SH2D3A: variants seen among roughly 807,000 people sequenced by gnomAD.
The protein encoded by SH2D3A is SH2 domain containing 3A, also known as SH2 domain-containing protein 3A.
A neutral mutation model predicts 50.6 loss-of-function variants in SH2D3A; 46 were observed. The ratio of observed to expected loss-of-function variants is 0.91; its 90% CI spans 0.72 to 1.16. The LOEUF (loss-of-function observed/expected upper bound fraction) is 1.16, where lower values mean the gene tolerates loss of function less well. SH2D3A is among the 50% of genes most tolerant of loss of function. The pLI, the probability that SH2D3A is intolerant of heterozygous loss-of-function variation, is 0.00. For synonymous variants in SH2D3A, 377 were observed against 348.4 expected (o/e 1.08, Z -0.91); for missense variants, 783 against 786.2 (o/e 1.00, Z 0.05).
intron 2 of SH2D3A, 157 bp from the exon 3 acceptor site, chr19:6,761,144 T>TC: frequency 4.8e-6 from 3 of 620,736 alleles, no homozygotes; most frequent in Non-Finnish European, 8.4e-6. Context: ...CCAAGTTCTG[T>TC]CCCCCTTTCT....
chr19:6,765,375 T>C (rs1305700968), intron 1 of SH2D3A, among the ~76,000 whole-genome samples: 1 of 152,056 alleles, frequency 6.6e-6, no homozygotes, highest in East Asian at 1.9e-4. Flanking sequence ...CAAACATCCA[T>C]GGCTTCTCGG....
intron 9 of SH2D3A, 159 bp from the exon 10 acceptor site, chr19:6,752,912 G>T (rs1195912596): frequency 2.0e-6 from 2 of 985,254 alleles, no homozygotes; most frequent in Non-Finnish European, 1.2e-6. Flanking sequence ...TCAGAGGGGA[G>T]GGGGCTTCCA....
At chr19:6,762,822 T>C (rs1251090951) in intron 2 of SH2D3A, among the ~76,000 whole-genome samples, 1 of 151,566 alleles carries the variant, frequency 6.6e-6, no homozygotes, top group Admixed American at 6.6e-5. Context: ...CCTGGCCTGC[T>C]ATCCCTATGT....
rs1476598907 is a variant in SH2D3A, at chr19:6,754,033, G to A, written c.1384+19C>T. 3 of 1,578,532 alleles carry A rather than the reference G, an allele frequency of 1.9e-6. No individual in the cohort carries two copies. The highest frequency in any genetic ancestry group is 2.6e-6 in the Non-Finnish European group (3 of 1,161,514). On this transcript the variant is annotated intron_variant, in intron 8 of 9. Coordinates refer to ENST00000245908, the MANE Select transcript of SH2D3A (RefSeq NM_005490.3). ...GGTCTGGGCCCCCAGGGGATGCTAA[G>A]CCCCAGACCTTCACTTACCAGCGCC...
intron 4 of SH2D3A, 129 bp downstream of exon 4, chr19:6,759,465 C>T: frequency 2.5e-6 from 2 of 799,948 alleles, no homozygotes; most frequent in South Asian, 1.6e-5. Flanking sequence ...TTTAAGTCAT[C>T]GTGATTGTCA....
intron 3 of SH2D3A, 99 bp downstream of exon 3, chr19:6,760,539 C>T (rs1346298055): frequency 9.6e-6 from 10 of 1,040,768 alleles, no homozygotes; most frequent in Non-Finnish European, 1.4e-5. Context: ...GCCTGGGCAA[C>T]AGAGTGAGAC....
At chr19:6,763,423 G>A (rs779892516) in intron 2 of SH2D3A, among the ~76,000 whole-genome samples, 3 of 152,068 alleles carry the variant, frequency 2.0e-5, no homozygotes, top group Non-Finnish European at 4.4e-5. Flanking sequence ...AGGGAGAGAC[G>A]GCCAGAGCCA....
chr19:6,765,414 A>C (rs903534255), intron 1 of SH2D3A, among the ~76,000 whole-genome samples: 12 of 152,090 alleles, frequency 7.9e-5, no homozygotes, highest in Non-Finnish European at 7.4e-5. Context: ...AGAGGTTCTC[A>C]GGATAGGTGC....
chr19:6,755,423 C>A, intron 4 of SH2D3A, 108 bp from the exon 5 acceptor site: 1 of 720,632 alleles, frequency 1.4e-6, no homozygotes, highest in Non-Finnish European at 2.1e-6. Context: ...CCACTCATTC[C>A]AATAATGGGG....
Position 6,753,569 on chromosome 19 carries a change from A to G in SH2D3A, c.1457T>C (p.Val486Ala). ...PMVRLLEGEE[V>A]AGPLDESCER... ...ACAGCTCTCGTCCAGCGGCCCCGCG[A>G]CTTCCTCGCCCTCCAGTAGGCGAAC... The change falls in exon 9 of 10, where the codon GTC (valine) becomes GCC (alanine). Residue 486 changes from valine to alanine, a missense_variant. Coordinates refer to ENST00000245908, the MANE Select transcript of SH2D3A (RefSeq NM_005490.3). The G allele has an allele frequency of 1.9e-6, 3 of 1,579,524 alleles. No individual in the cohort carries two copies. Among genetic ancestry groups the G allele is most frequent in the Non-Finnish European group, 2.6e-6 (3 of 1,163,670 alleles).
Position 6,760,978 on chromosome 19 carries a change from C to T in SH2D3A, c.79G>A (p.Ala27Thr). The change falls in exon 3 of 10, where the codon GCT becomes ACT. Residue 27 changes from alanine (A) to threonine (T), a missense_variant. Coordinates refer to ENST00000245908, the MANE Select transcript of SH2D3A (RefSeq NM_005490.3). ...AAGTCGCCATTTTGCTGAAGAAGAG[C>T]TTCAGCCTTCTGTGGATGAAGTTCA... The part of the protein sequence containing the change: ...HGLLSRQKAE[A>T]LLQQNGDFLV... The T allele has an allele frequency of 6.2e-7, 1 of 1,608,170 alleles. No homozygotes were observed. Among genetic ancestry groups the T allele is most frequent in the Non-Finnish European group, 8.5e-7 (1 of 1,176,536 alleles).
At chr19:6,761,544 C>A (rs1257951640) in intron 2 of SH2D3A, among the ~76,000 whole-genome samples, 1 of 152,202 alleles carries the variant, frequency 6.6e-6, no homozygotes, top group Admixed American at 6.5e-5. Context: ...GCTTGTTATG[C>A]AAATGTGGCT....
At chr19:6,754,584 C>A (rs1340602981) in intron 6 of SH2D3A, 32 bp downstream of exon 6, 1 of 1,613,180 alleles carries the variant, frequency 6.2e-7, no homozygotes, top group Non-Finnish European at 8.5e-7. Flanking sequence ...GAATTGGCCT[C>A]CCCCAACCAA....
chr19:6,765,559 T>C (rs974057178), intron 1 of SH2D3A, among the ~76,000 whole-genome samples: 5 of 151,468 alleles, frequency 3.3e-5, no homozygotes, highest in East Asian at 1.9e-4. Context: ...ACCAGCCTGG[T>C]CAACACAGTG....
intron 8 of SH2D3A, 145 bp downstream of exon 8, chr19:6,753,907 G>C: frequency 1.8e-6 from 2 of 1,106,928 alleles, no homozygotes; most frequent in Non-Finnish European, 2.5e-6. Context: ...GAAAGGGCCA[G>C]GACCAACCCT....
intron 4 of SH2D3A, among the ~76,000 whole-genome samples, 164 bp from the exon 5 acceptor site, chr19:6,755,479 C>T (rs73920205): frequency 0.014 from 2,076 of 152,128 alleles, 47 homozygotes; most frequent in African/African-American, 0.048. Context: ...ACCACCTCGA[C>T]GGTAGAAATG....
Position 6,752,377 on chromosome 19 carries a change from G to C in SH2D3A, c.*216C>G, listed in dbSNP as rs1263258398. On this transcript the variant is annotated 3_prime_UTR_variant, in exon 10 of 10. Coordinates refer to ENST00000245908, the MANE Select transcript of SH2D3A (RefSeq NM_005490.3). Reference sequence around the variant, plus strand: ...CTGCTAGAAATCACGGCTTTTAAGAGGTGGAGTCACATTTGAACTCTGGCC... The same window carrying C: ...CTGCTAGAAATCACGGCTTTTAAGACGTGGAGTCACATTTGAACTCTGGCC... The C allele has an allele frequency of 2.4e-6, 1 of 410,094 alleles. No homozygotes were observed. Among genetic ancestry groups the C allele is most frequent in the Non-Finnish European group, 4.3e-6 (1 of 234,480 alleles). The allele number at this position is 410,094 out of a possible 1,614,324, so 25.4% of individuals were successfully genotyped here.
intron 9 of SH2D3A, chr19:6,752,962 T>C (rs1161398473): frequency 6.1e-6 from 6 of 985,212 alleles, no homozygotes; most frequent in Non-Finnish European, 7.2e-6. Flanking sequence ...TGAGGGGCTC[T>C]ACCGCAGTGC....
intron 4 of SH2D3A, chr19:6,757,310 T>C (rs971087776): frequency 5.0e-5 from 7 of 140,016 alleles, no homozygotes; most frequent in Admixed American, 6.9e-5. Context: ...TCTTTTCTTC[T>C]TCTTTTTTTT....
Sources: allele counts gnomAD v4.1 joint callset (sites outside exome capture counted in the v4.1 genomes callset), GRCh38; gene constraint gnomAD v4.1.1; transcripts MANE v1.5; gene names NCBI Gene and HGNC (gene_info 2026-07-23, HGNC 2026-07-21).